Variants in FAM162B observed in about 807,000 individuals in gnomAD.
FAM162B encodes the protein protein FAM162B.
Under a neutral mutation model 20.0 loss-of-function variants are expected in FAM162B, and 16 were observed. That is an observed-to-expected ratio of 0.80 (90% CI 0.54 to 1.21). FAM162B has a LOEUF of 1.21. FAM162B is among the 50% of genes most tolerant of loss of function. The pLI, the probability that FAM162B is intolerant of heterozygous loss-of-function variation, is 0.00. For missense variants in FAM162B, 260 were observed against 227.5 expected, an observed-to-expected ratio of 1.14 and a Z score of -0.92; for synonymous variants, 83 against 89.7, an observed-to-expected ratio of 0.93 and a Z score of 0.42.
chr6:116,761,669 TACTTATATATAC>T (rs1446602159), intron 3 of FAM162B, among the ~76,000 whole-genome samples: 2 of 142,904 alleles, frequency 1.4e-5, no homozygotes, highest in Non-Finnish European at 3.0e-5. Context: ...CTTATATATA[TACTTATATATAC>T]ATATATACAT....
chr6:116,752,373 C>T lies in FAM162B; in HGVS notation c.*224G>A, dbSNP rs149806673. 3.9e-4 allele frequency: 73 copies of T among 188,978 alleles called. No homozygotes were observed. The East Asian group carries it at 5.1e-3, about 13-fold the overall frequency. The allele number at this position is 188,978 out of a possible 1,614,324, so 11.7% of individuals were successfully genotyped here. ...TTGGCAGTGGTTACACAGGTGTTCACGACATAAATATCTATCAGACTGTAT... is the reference window on the plus strand; with the variant it reads ...TTGGCAGTGGTTACACAGGTGTTCATGACATAAATATCTATCAGACTGTAT... On this transcript the variant is annotated 3_prime_UTR_variant, in exon 4 of 4. Transcript: ENST00000368557.
intron 3 of FAM162B, among the ~76,000 whole-genome samples, chr6:116,756,416 T>C (rs1394861903): frequency 6.6e-6 from 1 of 152,122 alleles, no homozygotes. Flanking sequence ...ACAAGATGAG[T>C]TGCTTCTTAC....
At chr6:116,761,633 TAC>T (rs1387870525) in intron 3 of FAM162B, among the ~76,000 whole-genome samples, 3 of 143,328 alleles carry the variant, frequency 2.1e-5, no homozygotes, top group Non-Finnish European at 4.5e-5. Context: ...CACATATATA[TAC>T]ATATATATAC....
chr6:116,765,096 C>A (rs1334341632), intron 2 of FAM162B, 51 bp downstream of exon 2: 1 of 1,584,978 alleles, frequency 6.3e-7, no homozygotes, highest in East Asian at 2.2e-5. Context: ...TCACCCCGCA[C>A]CCTTGCGGCC....
chr6:116,762,218 T>G (rs1771798685), intron 2 of FAM162B, 133 bp from the exon 3 acceptor site: 1 of 589,072 alleles, frequency 1.7e-6, no homozygotes, highest in Admixed American at 3.1e-5. Flanking sequence ...CATTTTCATG[T>G]GAAAGACTTT....
At chr6:116,754,641 CA>C (rs1780033203) in intron 3 of FAM162B, among the ~76,000 whole-genome samples, 1 of 152,046 alleles carries the variant, frequency 6.6e-6, no homozygotes. Flanking sequence ...AATATAAAGG[CA>C]CATCTCATTT....
In FAM162B at chr6:116,765,251, C is replaced by T; in HGVS notation, c.177G>A (p.Glu59=). The change falls in exon 2 of 4, where the codon GAG becomes GAA. Residue 59 remains glutamate (E), a synonymous_variant. Coordinates refer to ENST00000368557, the MANE Select transcript of FAM162B (RefSeq NM_001085480.3). ...PSNSGPQGHG[E]IHRVPTQRRP... Reference sequence around the variant, plus strand: ...TGCGCTGCGTGGGGACTCGGTGAATCTCCCCTGCAGCGAAAGCAACCCAGA... The same window carrying T: ...TGCGCTGCGTGGGGACTCGGTGAATTTCCCCTGCAGCGAAAGCAACCCAGA... The T allele has an allele frequency of 6.2e-7, 1 of 1,613,626 alleles. No individual in the cohort carries two copies. The highest frequency in any genetic ancestry group is 1.1e-5 in the South Asian group (1 of 91,082).
chr6:116,761,839 C>A, intron 3 of FAM162B, 138 bp downstream of exon 3: 1 of 544,018 alleles, frequency 1.8e-6, no homozygotes, highest in Non-Finnish European at 3.2e-6. Flanking sequence ...AGAACAATGT[C>A]CATGACATTT....
chr6:116,758,631 T>C (rs1780080709), intron 3 of FAM162B, among the ~76,000 whole-genome samples: 1 of 152,210 alleles, frequency 6.6e-6, no homozygotes, highest in South Asian at 2.1e-4. Context: ...GTTCTATATT[T>C]AGAAATGTCT....
rs1193654105 is a variant in FAM162B at position 116,765,593 on chromosome 6, G to A, written c.-17C>T. The A allele has an allele frequency of 4.6e-6, 6 of 1,312,774 alleles. No homozygotes were observed. Among genetic ancestry groups the A allele is most frequent in the East Asian group, 6.2e-5 (2 of 32,288 alleles). 81.3% of individuals were successfully genotyped at this position (1,312,774 alleles called of 1,614,324 possible). On this transcript the variant is annotated 5_prime_UTR_variant, in exon 1 of 4. Transcript: ENST00000368557. ...CCTGAGCATGCTGCCCGCTTGTCCC[G>A]CGCCGCACCCGCACCTCCGGACCCA... is the stretch of plus-strand genomic sequence containing the variant.
rs777587273 is a variant in FAM162B at position 116,752,700 on chromosome 6, G to T, written c.391-5C>A. On this transcript the variant is annotated splice_region_variant and splice_polypyrimidine_tract_variant and intron_variant, in intron 3 of 3. Transcript: ENST00000368557. ...GGATTCATGTCGTTCTACAGCCTGTGGGGGGGAAGAAATATATATATATAT... is the reference window on the plus strand; with the variant it reads ...GGATTCATGTCGTTCTACAGCCTGTTGGGGGGAAGAAATATATATATATAT... 14 of 1,388,346 alleles carry T rather than the reference G, an allele frequency of 1.0e-5. No homozygotes were observed. Among genetic ancestry groups the T allele is most frequent in the South Asian group, 1.4e-5 (1 of 72,948 alleles). The allele number at this position is 1,388,346 out of a possible 1,614,324, so 86.0% of individuals were successfully genotyped here.
At position 116,765,511 on chromosome 6, in the gene FAM162B, C is replaced by A; in HGVS notation, c.66G>T (p.Gly22=). The A allele has an allele frequency of 7.1e-7, 1 of 1,398,702 alleles. No homozygotes were observed. The highest frequency in any genetic ancestry group is 1.6e-5 in the South Asian group (1 of 61,884). 86.6% of individuals were successfully genotyped at this position (1,398,702 alleles called of 1,614,324 possible). Residue 22 remains glycine (G), a synonymous_variant, in exon 1 of 4, where the codon GGG becomes GGT. Coordinates refer to ENST00000368557, the MANE Select transcript of FAM162B (RefSeq NM_001085480.3). The part of the protein sequence containing the change: ...GRGLTVRCGP[G]APLEATRRPA... Reference sequence around the variant, plus strand: ...GCCGTCGCGTGGCCTCGAGAGGCGCCCCGGGGCCGCAGCGGACTGTTAGCC... The same window carrying A: ...GCCGTCGCGTGGCCTCGAGAGGCGCACCGGGGCCGCAGCGGACTGTTAGCC...
Position 116,765,661 on chromosome 6 carries a change from C to T in FAM162B, c.-85G>A, listed in dbSNP as rs1771902983. ...CGCAGCTCTCCTCGTCCCGCCCCGG[C>T]CTGCCGCGCGCTGGAGAGCCTGGGA... On this transcript the variant is annotated 5_prime_UTR_variant, in exon 1 of 4. Transcript: ENST00000368557. 7.3e-6 allele frequency: 9 copies of T among 1,239,318 alleles called. No individual in the cohort carries two copies. The highest frequency in any genetic ancestry group is 9.1e-6 in the Non-Finnish European group (9 of 991,458). 76.8% of individuals were successfully genotyped at this position (1,239,318 alleles called of 1,614,324 possible). A position where few individuals can be genotyped will look rare whatever the true frequency, so the allele number is the denominator to read the frequency against.
chr6:116,758,278 T>C (rs1008790840), intron 3 of FAM162B, among the ~76,000 whole-genome samples: 5 of 152,150 alleles, frequency 3.3e-5, no homozygotes, highest in Admixed American at 2.0e-4. Flanking sequence ...AGGTCATCAA[T>C]GGGGAGGACT....
At position 116,752,648 on chromosome 6, in the gene FAM162B, T is replaced by C; in HGVS notation, c.438A>G (p.Lys146=). 2 of 1,593,738 alleles carry C rather than the reference T, an allele frequency of 1.3e-6. No homozygotes were observed. The highest frequency in any genetic ancestry group is 1.7e-6 in the Non-Finnish European group (2 of 1,168,500). Residue 146 remains lysine, a synonymous_variant, in exon 4 of 4, where the codon AAA becomes AAG. Transcript: ENST00000368557. ...ATGCAGCTTCTTCACGCCACTTAGC[T>C]TTCTTTGCCAAGTTCCAACTTGTTA... ...ESLTSWNLAK[K]AKWREEAALA... is the part of the protein sequence containing the mutation.
intron 3 of FAM162B, among the ~76,000 whole-genome samples, chr6:116,761,690 A>T (rs376831363): frequency 2.1e-5 from 3 of 143,412 alleles, no homozygotes; most frequent in Non-Finnish European, 3.0e-5. Context: ...ACATATATAC[A>T]TATATAAATA....
intron 2 of FAM162B, among the ~76,000 whole-genome samples, chr6:116,764,431 A>T (rs1411565505): frequency 1.3e-5 from 2 of 152,152 alleles, no homozygotes. Flanking sequence ...GAAACTTTGG[A>T]AAGATTTTTT....
At position 116,759,837 on chromosome 6, in the gene FAM162B, A is replaced by G. The variant is rs545621838; in HGVS notation, c.390+2140T>C. Reference sequence around the variant, plus strand: ...GCTCCTTTTTGTTTCTTAACACACCAGACCCTTTCTCACCTCTAAGCTTTG... The same window carrying G: ...GCTCCTTTTTGTTTCTTAACACACCGGACCCTTTCTCACCTCTAAGCTTTG... On this transcript the variant is annotated intron_variant, in intron 3 of 3. Transcript: ENST00000368557. 2.0e-5 allele frequency among the ~76,000 whole-genome samples: 3 copies of G among 152,228 alleles called. No individual in the cohort carries two copies. The East Asian group carries it at 5.8e-4, about 29-fold the overall frequency.
In FAM162B at chr6:116,762,033, T is replaced by A; in HGVS notation, c.334A>T (p.Ile112Leu). The A allele has an allele frequency of 1.2e-6, 2 of 1,602,034 alleles. No homozygotes were observed. The highest frequency in any genetic ancestry group is 1.7e-6 in the Non-Finnish European group (2 of 1,170,930). The change falls in exon 3 of 4, where the codon ATA (isoleucine) becomes TTA (leucine). Residue 112 changes from isoleucine to leucine, a missense_variant. By Grantham distance (5) the Ile-to-Leu change is conservative. Transcript: ENST00000368557. ...GCGATAATTGTGAGTCCAATCATTA[T>A]GTAACAAGCTTTCACTCGAGCTTTG... ...RNKARVKACY[I>L]MIGLTIIACF... is the part of the protein sequence containing the mutation.
Sources: allele counts gnomAD v4.1 joint callset (sites outside exome capture counted in the v4.1 genomes callset), GRCh38; gene constraint gnomAD v4.1.1; transcripts MANE v1.5; gene names NCBI Gene and HGNC (gene_info 2026-07-23, HGNC 2026-07-21).